KIAA1671: variants seen among roughly 807,000 people sequenced by gnomAD.
KIAA1671 encodes KIAA1671.
Under a neutral mutation model 131.2 loss-of-function variants are expected in KIAA1671, and 52 were observed. The ratio of observed to expected loss-of-function variants is 0.40; its 90% CI spans 0.32 to 0.50. The LOEUF (loss-of-function observed/expected upper bound fraction) is 0.50, where lower values mean the gene tolerates loss of function less well. Ranked by LOEUF, KIAA1671 falls within the 20% of genes least tolerant of loss-of-function variation. The probability of loss-of-function intolerance (pLI) is 0.73; values close to 1 mark genes in which losing one functional copy is unlikely to be tolerated. For missense variants in KIAA1671, 2,360 were observed against 2,364.2 expected, an observed-to-expected ratio of 1.00 and a Z score of 0.04; for synonymous variants, 1,003 against 961.6, an observed-to-expected ratio of 1.04 and a Z score of -0.80.
At chr22:25,082,072 G>A (rs1445430023) in intron 6 of KIAA1671, among the ~76,000 whole-genome samples, 1 of 152,200 alleles carries the variant, frequency 6.6e-6, no homozygotes, top group East Asian at 1.9e-4. Context: ...TTTGCTGCTG[G>A]TAGGCAAATG....
chr22:24,990,834 G>C (rs1457320866), intron 1 of KIAA1671, among the ~76,000 whole-genome samples: 2 of 151,942 alleles, frequency 1.3e-5, no homozygotes, highest in Non-Finnish European at 2.9e-5. Context: ...GGCTCGGTGG[G>C]TAAGCCAGAC....
chr22:25,121,942 C>T (rs1436394621), intron 6 of KIAA1671, among the ~76,000 whole-genome samples: 3 of 152,158 alleles, frequency 2.0e-5, no homozygotes, highest in African/African-American at 7.2e-5. Flanking sequence ...CAAGCCAGCT[C>T]CAGTATACGC....
At chr22:25,152,618 T>TGCACCTGGGTGAGTTGGTCTG (rs1468847452) in intron 6 of KIAA1671, among the ~76,000 whole-genome samples, 2 of 152,196 alleles carry the variant, frequency 1.3e-5, no homozygotes, top group Non-Finnish European at 2.9e-5. Flanking sequence ...CCTGTACCAA[T>TGCACCTGGGTGAGTTGGTCTG]GCACCTGGGT....
intron 6 of KIAA1671, among the ~76,000 whole-genome samples, chr22:25,125,822 G>A (rs1039387887): frequency 1.3e-5 from 2 of 152,210 alleles, no homozygotes; most frequent in Non-Finnish European, 2.9e-5. Flanking sequence ...CAGTCCTTAA[G>A]TAACCATGTG....
At chr22:25,146,841 A>G (rs1020013431) in intron 6 of KIAA1671, among the ~76,000 whole-genome samples, 5 of 152,238 alleles carry the variant, frequency 3.3e-5, no homozygotes, top group Non-Finnish European at 5.9e-5. Context: ...AGAGCAGAGT[A>G]CAGTGGGGAC....
chr22:25,154,252 C>T (rs368412937), intron 6 of KIAA1671, among the ~76,000 whole-genome samples: 4 of 150,470 alleles, frequency 2.7e-5, no homozygotes, highest in African/African-American at 1.0e-4. Flanking sequence ...AAGCTGCCTT[C>T]AACGGCCCTA....
At chr22:25,001,872 T>C (rs1285107255) in intron 1 of KIAA1671, among the ~76,000 whole-genome samples, 1 of 152,128 alleles carries the variant, frequency 6.6e-6, no homozygotes, top group Non-Finnish European at 1.5e-5. Context: ...ATCCTTGGGC[T>C]AAAGCAATTT....
At chr22:25,183,632 C>T (rs1053400480) in intron 10 of KIAA1671, among the ~76,000 whole-genome samples, 6 of 152,008 alleles carry the variant, frequency 3.9e-5, no homozygotes, top group Non-Finnish European at 7.4e-5. Context: ...AAGCGATTCT[C>T]CTGCCTCAGC....
chr22:25,108,650 C>T (rs1931157944), intron 6 of KIAA1671, among the ~76,000 whole-genome samples: 1 of 152,140 alleles, frequency 6.6e-6, no homozygotes, highest in Non-Finnish European at 1.5e-5. Flanking sequence ...TGGAGTAATA[C>T]TTCTGGATAT....
intron 6 of KIAA1671, among the ~76,000 whole-genome samples, chr22:25,088,482 C>T (rs558721785): frequency 6.6e-6 from 1 of 152,110 alleles, no homozygotes; most frequent in African/African-American, 2.4e-5. Flanking sequence ...TACAGAGGTG[C>T]GGCCACCACA....
chr22:25,011,564 G>A (rs1925034734), intron 1 of KIAA1671: 1 of 152,090 alleles, frequency 6.6e-6, no homozygotes. Context: ...TGGGATTATA[G>A]GCATGAGCCA....
At position 25,050,698 on chromosome 22, in the gene KIAA1671, C is replaced by T. The variant is rs751721685; in HGVS notation, c.4530+1334C>T. 458 of 152,358 alleles carry T rather than the reference C, an allele frequency of 3.0e-3. 1 individual carries two copies. The highest frequency in any genetic ancestry group is 4.1e-3 in the Non-Finnish European group (278 of 68,096). The allele number at this position is 152,358 out of a possible 1,614,324, so 9.4% of individuals were successfully genotyped here. On this transcript the variant is annotated intron_variant, in intron 6 of 12. Coordinates refer to ENST00000358431, the MANE Select transcript of KIAA1671 (RefSeq NM_001145206.2). The stretch of plus-strand genomic sequence containing the variant: ...GACTGTGGGGCTGAGGGAGACGGGC[C>T]GGGGAGGAACTCAGATCCCAGCTAG...
chr22:25,015,838 C>G (rs1602068624), intron 1 of KIAA1671, among the ~76,000 whole-genome samples: 1 of 151,624 alleles, frequency 6.6e-6, no homozygotes, highest in South Asian at 2.1e-4. Flanking sequence ...GTACCGCACT[C>G]TGATGGAATT....
chr22:25,071,586 G>C (rs1197378527), intron 6 of KIAA1671, among the ~76,000 whole-genome samples: 1 of 152,180 alleles, frequency 6.6e-6, no homozygotes, highest in Admixed American at 6.5e-5. Context: ...CAGGCACAAA[G>C]AAGAAAAGAA....
rs867673583 is a variant in KIAA1671, at chr22:24,972,107, C to T, written c.-208+19335C>T. Reference sequence around the variant, plus strand: ...TTCCTAAAACCATATAGGATCATTGCAGAACATGAAGGAAAAATGGGTAGG... The same window carrying T: ...TTCCTAAAACCATATAGGATCATTGTAGAACATGAAGGAAAAATGGGTAGG... On this transcript the variant is annotated intron_variant, in intron 1 of 12. Coordinates refer to ENST00000358431, the MANE Select transcript of KIAA1671 (RefSeq NM_001145206.2). Among the ~76,000 whole-genome samples the T allele has an allele frequency of 5.1e-4, 78 of 152,068 alleles. 1 individual carries two copies. The highest frequency in any genetic ancestry group is 3.5e-3 in the Admixed American group (54 of 15,258).
intron 6 of KIAA1671, among the ~76,000 whole-genome samples, chr22:25,110,300 G>T (rs1321288983): frequency 6.6e-6 from 1 of 152,196 alleles, no homozygotes; most frequent in Non-Finnish European, 1.5e-5. Context: ...GTTCAAAACT[G>T]AAGTGAGGTG....
At chr22:25,175,337 T>C (rs1323108947) in intron 8 of KIAA1671, 3 of 152,214 alleles carry the variant, frequency 2.0e-5, no homozygotes, top group African/African-American at 4.8e-5. Context: ...ACCTACACAC[T>C]TGGGCATGGC....
At chr22:25,001,664 A>C (rs1312042318) in intron 1 of KIAA1671, among the ~76,000 whole-genome samples, 1 of 152,102 alleles carries the variant, frequency 6.6e-6, no homozygotes, top group Non-Finnish European at 1.5e-5. Flanking sequence ...GATCTCTCAG[A>C]ATCCTTTAGG....
At chr22:25,096,450 A>C (rs941105545) in intron 6 of KIAA1671, among the ~76,000 whole-genome samples, 11 of 152,174 alleles carry the variant, frequency 7.2e-5, no homozygotes, top group African/African-American at 2.2e-4. Context: ...AAGACACACA[A>C]GATCTTGTGG....
Sources: gnomAD v4.1 joint callset for allele counts (sites outside exome capture counted in the v4.1 genomes callset) on GRCh38, gnomAD v4.1.1 for gene constraint, MANE v1.5 for transcripts, NCBI Gene and HGNC (gene_info 2026-07-23, HGNC 2026-07-21) for gene names.